Variants in ASCC3 observed in about 807,000 individuals in gnomAD.
ASCC3 encodes the protein activating signal cointegrator 1 complex subunit 3.
ASCC3 carries 158 observed loss-of-function variants against 256.3 expected under a neutral mutation model. The ratio of observed to expected loss-of-function variants is 0.62; its 90% CI spans 0.54 to 0.70. The LOEUF (loss-of-function observed/expected upper bound fraction) is 0.70. ASCC3 is among the 30% of genes least tolerant of loss of function. ASCC3 has a pLI of 0.00. For synonymous variants in ASCC3, 948 were observed against 883.4 expected (o/e 1.07, Z -1.30); for missense variants, 2,259 against 2,626.0 (o/e 0.86, Z 3.05).
chr6:100,757,808 A>C (rs544093109), intron 10 of ASCC3, among the ~76,000 whole-genome samples: 2 of 152,316 alleles, frequency 1.3e-5, no homozygotes, highest in Admixed American at 6.5e-5. Flanking sequence ...CTTTCTGTGT[A>C]TTCCAGACTG....
At chr6:100,520,438 T>C (rs1239301484) in intron 37 of ASCC3, among the ~76,000 whole-genome samples, 1 of 151,946 alleles carries the variant, frequency 6.6e-6, no homozygotes, top group African/African-American at 2.4e-5. Flanking sequence ...CTTCTTCTTT[T>C]TTTTTTTTCT....
chr6:100,613,159 G>A (rs574555592), intron 30 of ASCC3, among the ~76,000 whole-genome samples: 1 of 149,850 alleles, frequency 6.7e-6, no homozygotes, highest in South Asian at 2.1e-4. Flanking sequence ...TGTCTAGATT[G>A]CGTAGTGGGC....
chr6:100,814,489 T>C (rs1325730352), intron 4 of ASCC3, among the ~76,000 whole-genome samples: 1 of 152,054 alleles, frequency 6.6e-6, no homozygotes, highest in Non-Finnish European at 1.5e-5. Flanking sequence ...CTCCTCCCCA[T>C]TTTCTTGGAA....
intron 24 of ASCC3, among the ~76,000 whole-genome samples, chr6:100,641,069 C>T (rs566557733): frequency 6.6e-6 from 1 of 152,030 alleles, no homozygotes; most frequent in Non-Finnish European, 1.5e-5. Flanking sequence ...ACTTATTATA[C>T]TAGTTAATTA....
intron 4 of ASCC3, among the ~76,000 whole-genome samples, chr6:100,819,276 A>G (rs1006394373): frequency 3.9e-5 from 6 of 152,064 alleles, no homozygotes; most frequent in African/African-American, 1.2e-4. Context: ...TATCAAACCT[A>G]CACGTTGTGC....
rs77081638 is a variant in ASCC3 at position 100,819,914 on chromosome 6, GA to G, written c.802-14035del. Among the ~76,000 whole-genome samples the G allele has an allele frequency of 1.7e-4, 25 of 150,430 alleles. No homozygotes were observed. The East Asian group carries it at 1.8e-3, about 11-fold the overall frequency. Reference sequence around the variant, plus strand: ...AATATTAACAATAATACATTACTGGGAAAAAAAAATCAAACAAAGGAAGTAT... The same window carrying G: ...AATATTAACAATAATACATTACTGGGAAAAAAAATCAAACAAAGGAAGTAT... On this transcript the variant is annotated intron_variant, in intron 4 of 41. Transcript: ENST00000369162.
At chr6:100,669,013 G>A (rs1227313991) in intron 14 of ASCC3, among the ~76,000 whole-genome samples, 1 of 150,794 alleles carries the variant, frequency 6.6e-6, no homozygotes, top group Non-Finnish European at 1.5e-5. Context: ...TACTGAAAAG[G>A]TATAATTATA....
At position 100,631,215 on chromosome 6, in the gene ASCC3, T is replaced by C; in HGVS notation, c.4123-2A>G. On this transcript the variant is annotated splice_acceptor_variant, in intron 25 of 41. Transcript: ENST00000369162. LOFTEE classifies it high-confidence loss of function. Reference sequence around the variant, plus strand: ...TTTTAGGGGTGCAATATATACCGCCTAAAAAGGGGAGAATAGCCAAAAATA... The same window carrying C: ...TTTTAGGGGTGCAATATATACCGCCCAAAAAGGGGAGAATAGCCAAAAATA... 1 of 1,607,990 alleles carries C rather than the reference T, an allele frequency of 6.2e-7. No homozygotes were observed.
At chr6:100,869,162 G>T (rs751983870) in intron 1 of ASCC3, among the ~76,000 whole-genome samples, 9 of 152,188 alleles carry the variant, frequency 5.9e-5, no homozygotes, top group Non-Finnish European at 1.3e-4. Context: ...GGAGGTGGAA[G>T]GGGACTACTG....
chr6:100,875,135 T>C (rs1773935114), intron 1 of ASCC3, among the ~76,000 whole-genome samples: 1 of 151,044 alleles, frequency 6.6e-6, no homozygotes, highest in East Asian at 1.9e-4. Context: ...GGGAAGTTAT[T>C]TCAATAAACC....
intron 14 of ASCC3, 21 bp downstream of exon 14, chr6:100,679,597 C>T: frequency 6.2e-7 from 1 of 1,612,944 alleles, no homozygotes; most frequent in African/African-American, 1.3e-5. Flanking sequence ...TGCTTTAGTT[C>T]TTGTCCTCTT....
intron 4 of ASCC3, among the ~76,000 whole-genome samples, chr6:100,816,415 C>A (rs1770749565): frequency 6.6e-6 from 1 of 152,024 alleles, no homozygotes; most frequent in South Asian, 2.1e-4. Context: ...TGGGTATATA[C>A]CCAAAGGAAT....
At chr6:100,722,594 GAA>G (rs1302502529) in intron 11 of ASCC3, among the ~76,000 whole-genome samples, 2 of 151,706 alleles carry the variant, frequency 1.3e-5, no homozygotes, top group African/African-American at 4.8e-5. Flanking sequence ...ATAGCACTTA[GAA>G]CTATGTAGCT....
In ASCC3 at chr6:100,652,734, G is replaced by A; in HGVS notation, c.2979C>T (p.Asn993=). 6.2e-7 allele frequency: 1 copy of A among 1,613,482 alleles called. No individual in the cohort carries two copies. Among genetic ancestry groups the A allele is most frequent in the Non-Finnish European group, 8.5e-7 (1 of 1,179,626 alleles). Residue 993 remains asparagine, a synonymous_variant, in exon 18 of 42, where the codon AAC becomes AAT. Coordinates refer to ENST00000369162, the MANE Select transcript of ASCC3 (RefSeq NM_006828.4). ...TGCATTAGTATAATACCTCAATGGTGTTGTATTTAATATAGTAATGGCTGG... is the reference window on the plus strand; with the variant it reads ...TGCATTAGTATAATACCTCAATGGTATTGTATTTAATATAGTAATGGCTGG... The part of the protein sequence containing the change: ...RTASHYYIKY[N]TIETFNELFD...
rs529410717 is a variant in ASCC3, at chr6:100,575,747, G to C, written c.5550+13887C>G. ...TTAACTGAAAATTATTGAGACATAA[G>C]ACATTTGGGGCATATTTTGCTTTCT... is the stretch of plus-strand genomic sequence containing the variant. On this transcript the variant is annotated intron_variant, in intron 36 of 41. Coordinates refer to ENST00000369162, the MANE Select transcript of ASCC3 (RefSeq NM_006828.4). Among the ~76,000 whole-genome samples the C allele has an allele frequency of 6.6e-5, 10 of 152,042 alleles. 1 individual carries two copies. The South Asian group carries it at 2.1e-3, about 32-fold the overall frequency.
At chr6:100,533,550 GAAAAAAA>G (rs1273073664) in intron 37 of ASCC3, among the ~76,000 whole-genome samples, 1 of 151,856 alleles carries the variant, frequency 6.6e-6, no homozygotes, top group East Asian at 1.9e-4. Context: ...TATGACTTCT[GAAAAAAA>G]ACTTTCCCAA....
At chr6:100,831,913 A>G (rs948063810) in intron 4 of ASCC3, among the ~76,000 whole-genome samples, 3 of 152,132 alleles carry the variant, frequency 2.0e-5, no homozygotes, top group Non-Finnish European at 4.4e-5. Context: ...GTGGATATAA[A>G]AAGAAACATG....
chr6:100,858,521 A>T, intron 3 of ASCC3: 1 of 913,340 alleles, frequency 1.1e-6, no homozygotes, highest in Non-Finnish European at 1.3e-6. Flanking sequence ...TTTTATCATA[A>T]GTAATGTTAG....
At chr6:100,519,930 AT>A (rs1255022338) in intron 37 of ASCC3, among the ~76,000 whole-genome samples, 1 of 152,118 alleles carries the variant, frequency 6.6e-6, no homozygotes, top group Non-Finnish European at 1.5e-5. Flanking sequence ...GAAAACTATT[AT>A]TTATCTTGTT....
Sources: gnomAD v4.1 joint callset for allele counts (sites outside exome capture counted in the v4.1 genomes callset) on GRCh38, gnomAD v4.1.1 for gene constraint, MANE v1.5 for transcripts, NCBI Gene and HGNC (gene_info 2026-07-23, HGNC 2026-07-21) for gene names.